The following KCTD2 variants were observed in gnomAD, a reference collection of about 807,000 sequenced individuals.
KCTD2 encodes potassium channel tetramerization domain containing 2.
KCTD2 carries 18 observed loss-of-function variants against 27.9 expected under a neutral mutation model. The ratio of observed to expected loss-of-function variants is 0.64; its 90% CI spans 0.45 to 0.96. The LOEUF (loss-of-function observed/expected upper bound fraction) is 0.96, where lower values mean the gene tolerates loss of function less well. Ranked by LOEUF, KCTD2 falls within the 40% of genes least tolerant of loss-of-function variation. KCTD2 has a pLI of 0.00. For synonymous variants in KCTD2, 175 were observed against 148.4 expected, an observed-to-expected ratio of 1.18 and a Z score of -1.30; for missense variants, 280 against 348.0, an observed-to-expected ratio of 0.80 and a Z score of 1.56.
chr17:75,057,427 T>A (rs1276094861), intron 3 of KCTD2, among the ~76,000 whole-genome samples: 1 of 152,192 alleles, frequency 6.6e-6, no homozygotes, highest in East Asian at 1.9e-4. Context: ...CTGAATTTTG[T>A]ACTTATACAA....
upstream of KCTD2, among the ~76,000 whole-genome samples, chr17:75,045,254 C>T (rs138851328): frequency 0.012 from 1,827 of 152,290 alleles, 28 homozygotes; most frequent in African/African-American, 0.042. Flanking sequence ...AATAGAATAT[C>T]ACAAGGCAAG....
chr17:75,061,415 T>C (rs1483354077), intron 4 of KCTD2, among the ~76,000 whole-genome samples: 2 of 152,112 alleles, frequency 1.3e-5, no homozygotes. Flanking sequence ...GAGGCCACGG[T>C]GGGAGGATTG....
chr17:75,062,973 C>G, intron 5 of KCTD2, 45 bp from the exon 6 acceptor site: 1 of 1,607,066 alleles, frequency 6.2e-7, no homozygotes. Flanking sequence ...ACATCTCTGT[C>G]TTTCCCTCAG....
intron 3 of KCTD2, chr17:75,038,720 G>T: frequency 1.9e-6 from 1 of 517,216 alleles, no homozygotes. Context: ...AGTAAGTGGC[G>T]CCTACACAGC....
intron 4 of KCTD2, among the ~76,000 whole-genome samples, chr17:75,060,129 A>G (rs1041358088): frequency 6.6e-6 from 1 of 152,196 alleles, no homozygotes; most frequent in South Asian, 2.1e-4. Context: ...AAACAAAGCT[A>G]TGACAGTTGG....
chr17:75,039,257 A>T (rs1375088766), intron 3 of KCTD2: 24 of 1,614,060 alleles, frequency 1.5e-5, no homozygotes, highest in Non-Finnish European at 2.0e-5. Context: ...ACACCCACTC[A>T]GCACAAGATT....
chr17:75,036,279 C>T (rs1440888991), intron 3 of KCTD2, among the ~76,000 whole-genome samples: 1 of 152,008 alleles, frequency 6.6e-6, no homozygotes, highest in Non-Finnish European at 1.5e-5. Context: ...CCCGCCACCA[C>T]ACTGGCTAAT....
At chr17:75,050,912 A>C (rs1053664140) in intron 2 of KCTD2, among the ~76,000 whole-genome samples, 2 of 150,440 alleles carry the variant, frequency 1.3e-5, no homozygotes, top group Non-Finnish European at 2.9e-5. Flanking sequence ...GTCTGGCCTC[A>C]CATGCTCCTC....
chr17:75,035,967 A>G (rs2040111356), intron 3 of KCTD2: 3 of 434,008 alleles, frequency 6.9e-6, no homozygotes, highest in South Asian at 5.0e-5. Flanking sequence ...CCACCCCACT[A>G]CTCTGTGCTT....
intron 4 of KCTD2, among the ~76,000 whole-genome samples, chr17:75,061,146 T>C (rs530818694): frequency 6.6e-6 from 1 of 152,310 alleles, no homozygotes; most frequent in South Asian, 2.1e-4. Flanking sequence ...ACGGAGGGTG[T>C]TCCTATTGCC....
At chr17:75,052,957 G>C in intron 2 of KCTD2, 57 bp from the exon 3 acceptor site, 1 of 1,209,764 alleles carries the variant, frequency 8.3e-7, no homozygotes. Flanking sequence ...TCCTCTCCTT[G>C]GTGTTTTTCT....
intron 3 of KCTD2, among the ~76,000 whole-genome samples, chr17:75,056,812 T>TTAC (rs2073354189): frequency 6.6e-6 from 1 of 152,142 alleles, no homozygotes; most frequent in African/African-American, 2.4e-5. Context: ...CTCCTTGAAC[T>TTAC]TACCTGTAGC....
At position 75,064,519 on chromosome 17, in the gene KCTD2, C is replaced by A. The variant is rs1598131723; in HGVS notation, c.*1472C>A. ...AGTAGTTTCTGGAAATGACTGCAGA[C>A]TGTGCCAAATGTCTTTTGAGCTTCT... On this transcript the variant is annotated 3_prime_UTR_variant, in exon 6 of 6. Transcript: ENST00000322444. 2 of 152,294 alleles carry A rather than the reference C, an allele frequency of 1.3e-5. No individual in the cohort carries two copies. Among genetic ancestry groups the A allele is most frequent in the South Asian group, 4.1e-4 (2 of 4,836 alleles). The allele number at this position is 152,294 out of a possible 1,614,324, so 9.4% of individuals were successfully genotyped here. A position where few individuals can be genotyped will look rare whatever the true frequency, so the allele number is the denominator to read the frequency against.
At chr17:75,044,634 G>A (rs28587464), upstream of KCTD2, among the ~76,000 whole-genome samples, 3,062 of 152,220 alleles carry the variant, frequency 0.02, 86 homozygotes, top group African/African-American at 0.069. Context: ...GAGCCACCGC[G>A]CCCGGCCTGC....
intron 1 of KCTD2, among the ~76,000 whole-genome samples, chr17:75,033,273 G>C (rs780728997): frequency 1.3e-5 from 2 of 151,882 alleles, no homozygotes; most frequent in Non-Finnish European, 2.9e-5. Context: ...CACCGCACCC[G>C]GTCTGTAGCC....
chr17:75,033,653 G>A (rs1207200065), intron 1 of KCTD2, among the ~76,000 whole-genome samples: 1 of 152,208 alleles, frequency 6.6e-6, no homozygotes, highest in Non-Finnish European at 1.5e-5. Context: ...CCCATGGTCC[G>A]GGTGTCCAGG....
chr17:75,034,732 G>C (rs922121937), intron 2 of KCTD2, among the ~76,000 whole-genome samples: 2 of 152,104 alleles, frequency 1.3e-5, no homozygotes, highest in Non-Finnish European at 2.9e-5. Context: ...AGAAGTGCTC[G>C]GCGAGCGCAG....
chr17:75,043,625 A>C (rs1001897919), upstream of KCTD2, among the ~76,000 whole-genome samples: 50 of 151,828 alleles, frequency 3.3e-4, no homozygotes, highest in Non-Finnish European at 2.5e-4. Flanking sequence ...AAAAAAAAAA[A>C]AAACAAACCC....
chr17:75,033,005 C>G (rs1019278820), intron 1 of KCTD2: 4 of 152,244 alleles, frequency 2.6e-5, no homozygotes, highest in Non-Finnish European at 5.9e-5. Flanking sequence ...CTCCTTTGCC[C>G]TGCGATGCTG....
Sources: gnomAD v4.1 joint callset for allele counts (sites outside exome capture counted in the v4.1 genomes callset) on GRCh38, gnomAD v4.1.1 for gene constraint, MANE v1.5 for transcripts, NCBI Gene and HGNC (gene_info 2026-07-23, HGNC 2026-07-21) for gene names.